TMCO1: variants seen among roughly 807,000 people sequenced by gnomAD.
TMCO1 encodes calcium load-activated calcium channel.
A neutral mutation model predicts 29.3 loss-of-function variants in TMCO1; 29 were observed. The observed-to-expected ratio is 0.99, with a 90% CI of 0.74 to 1.35. TMCO1 has a LOEUF of 1.35. Ranked by LOEUF, TMCO1 falls within the 40% of genes most tolerant of loss-of-function variation. TMCO1 has a pLI of 0.00. For missense variants in TMCO1, 173 were observed against 225.5 expected (o/e 0.77, Z 1.49); for synonymous variants, 80 against 77.1 (o/e 1.04, Z -0.20).
chr1:165,744,646 C>T (rs981809146), intron 5 of TMCO1, among the ~76,000 whole-genome samples: 9 of 151,824 alleles, frequency 5.9e-5, no homozygotes, highest in African/African-American at 1.7e-4. Context: ...CAAAATTAGC[C>T]GGGCATGGTG....
chr1:165,733,218 T>C lies in TMCO1; in HGVS notation c.469-5097A>G, dbSNP rs185798349. On this transcript the variant is annotated intron_variant, in intron 6 of 6. Coordinates refer to ENST00000367881, the MANE Select transcript of TMCO1 (RefSeq NM_019026.6). ...GGCACTTTTGTATATATTATCTCAT[T>C]ACATCTTTCAACAATCTCATCCATT... Among the ~76,000 whole-genome samples, 280 of 152,358 alleles carry C rather than the reference T, an allele frequency of 1.8e-3. 1 individual carries two copies. Among genetic ancestry groups the C allele is most frequent in the African/African-American group, 5.2e-3 (217 of 41,580 alleles).
Position 165,728,048 on chromosome 1 carries a change from G to T in TMCO1, c.542C>A (p.Pro181Gln). 6.2e-7 allele frequency: 1 copy of T among 1,608,562 alleles called. No homozygotes were observed. Among genetic ancestry groups the T allele is most frequent in the East Asian group, 2.2e-5 (1 of 44,496 alleles). The change falls in exon 7 of 7, where the codon CCA becomes CAA. Residue 181 changes from proline (P) to glutamine (Q), a missense_variant. Physicochemically the swap from Pro to Gln is moderately conservative, Grantham distance 76 (BLOSUM62 -1). Transcript: ENST00000367881. ...TCAAGAGAACTTCCCAGAAGGAGGTGGTGGGCCAAGAAATCCACCTGCCTG... is the reference window on the plus strand; with the variant it reads ...TCAAGAGAACTTCCCAGAAGGAGGTTGTGGGCCAAGAAATCCACCTGCCTG... ...TKQAGGFLGP[P>Q]PPSGKFS
rs61800455 is a variant in TMCO1 at position 165,759,239 on chromosome 1, T to C, written c.208+286A>G. Among the ~76,000 whole-genome samples the C allele has an allele frequency of 7.3e-3, 1,105 of 152,294 alleles. 8 individuals are homozygous for C. The highest frequency in any genetic ancestry group is 0.012 in the Non-Finnish European group (833 of 68,012). On this transcript the variant is annotated intron_variant, in intron 3 of 6. Coordinates refer to ENST00000367881, the MANE Select transcript of TMCO1 (RefSeq NM_019026.6). ...TCAGATATAAAAAACAACATGCTTT[T>C]ACAAACTATGCCAAAAACCCTCAGC... is the stretch of plus-strand genomic sequence containing the variant.
At chr1:165,752,251 C>CTTTTTTT (rs1558038157) in intron 4 of TMCO1, 82 bp from the exon 5 acceptor site, 3 of 608,126 alleles carry the variant, frequency 4.9e-6, no homozygotes, top group African/African-American at 1.9e-5. Flanking sequence ...GGTTTCATGT[C>CTTTTTTT]ATTTTTTTTT....
chr1:165,724,415 T>C (rs1650767437), downstream of TMCO1: 2 of 453,974 alleles, frequency 4.4e-6, no homozygotes, highest in African/African-American at 4.0e-5. Flanking sequence ...AGAAAAACTC[T>C]ACAAGGTAAA....
At chr1:165,735,511 AT>A (rs34062484) in intron 6 of TMCO1, among the ~76,000 whole-genome samples, 87,454 of 110,282 alleles carry the variant, frequency 0.79, 33,746 homozygotes, top group East Asian at 0.94. Flanking sequence ...TCTCTGCTTA[AT>A]TTTTTTTTTT....
intron 2 of TMCO1, among the ~76,000 whole-genome samples, chr1:165,763,693 T>A (rs1488757027): frequency 6.6e-6 from 1 of 152,190 alleles, no homozygotes; most frequent in Non-Finnish European, 1.5e-5. Context: ...ATCTCCCCTC[T>A]CTGCTCACTG....
Position 165,752,116 on chromosome 1 carries a change from T to C in TMCO1, c.309A>G (p.Gly103=). The C allele has an allele frequency of 6.2e-7, 1 of 1,613,188 alleles. No individual in the cohort carries two copies. The highest frequency in any genetic ancestry group is 8.5e-7 in the Non-Finnish European group (1 of 1,179,256). Residue 103 remains glycine (G), a synonymous_variant, in exon 5 of 7, where the codon GGA becomes GGG. Coordinates refer to ENST00000367881, the MANE Select transcript of TMCO1 (RefSeq NM_019026.6). ...AGGACACTCACATGGAATTGAACAT[T>C]CCCATTAGGGCAGTAAAACAAAAGC... The part of the protein sequence containing the change: ...AIGFCFTALM[G]MFNSIFDGRV...
rs552923202 is a variant in TMCO1, at chr1:165,729,244, T to C, written c.469-1123A>G. 3.3e-5 allele frequency among the ~76,000 whole-genome samples: 5 copies of C among 152,072 alleles called. No individual in the cohort carries two copies. In the South Asian group the frequency reaches 1.0e-3, roughly 32 times the overall value. Reference sequence around the variant, plus strand: ...ATCTTTTTCCATTGTTTCACCTACATCTAATGCAATTTTTTAAGAAACTCA... The same window carrying C: ...ATCTTTTTCCATTGTTTCACCTACACCTAATGCAATTTTTTAAGAAACTCA... On this transcript the variant is annotated intron_variant, in intron 6 of 6. Transcript: ENST00000367881.
At chr1:165,743,432 G>C (rs1333391463) in intron 5 of TMCO1, 121 bp from the exon 6 acceptor site, 2 of 1,008,864 alleles carry the variant, frequency 2.0e-6, no homozygotes, top group East Asian at 5.1e-5. Context: ...AAAACAAAGA[G>C]AGGGTGACAT....
chr1:165,750,721 T>C (rs1651962470), intron 5 of TMCO1, among the ~76,000 whole-genome samples: 1 of 152,126 alleles, frequency 6.6e-6, no homozygotes, highest in Non-Finnish European at 1.5e-5. Context: ...TGTATTAAAG[T>C]TTATATTCAG....
At chr1:165,736,735 CAA>C (rs1651405746) in intron 6 of TMCO1, among the ~76,000 whole-genome samples, 1 of 136,218 alleles carries the variant, frequency 7.3e-6, no homozygotes, top group Non-Finnish European at 1.6e-5. Context: ...AAAAAAAAAA[CAA>C]AAAACAAAAA....
Position 165,768,724 on chromosome 1 carries a change from G to A in TMCO1, c.28C>T (p.Leu10Phe). MSTMFADTL[L>F]IVFISVCTAL... ...GTGCACACAGAGATAAAAACGATGA[G>A]GAGAGTGTCCGCGAACATAGTGCTC... Residue 10 changes from leucine (L) to phenylalanine (F), a missense_variant, in exon 1 of 7, where the codon CTC becomes TTC. By Grantham distance (22) the Leu-to-Phe change is conservative (BLOSUM62 0). Coordinates refer to ENST00000367881, the MANE Select transcript of TMCO1 (RefSeq NM_019026.6). 1 of 1,614,142 alleles carries A rather than the reference G, an allele frequency of 6.2e-7. No individual in the cohort carries two copies. Among genetic ancestry groups the A allele is most frequent in the Non-Finnish European group, 8.5e-7 (1 of 1,180,026 alleles).
chr1:165,724,311 A>G, downstream of TMCO1: 1 of 446,574 alleles, frequency 2.2e-6, no homozygotes, highest in South Asian at 1.6e-5. Flanking sequence ...ATCACTTTTA[A>G]TATCTCATTA....
intron 2 of TMCO1, among the ~76,000 whole-genome samples, chr1:165,761,194 T>TG (rs397952303): frequency 6.6e-6 from 1 of 151,946 alleles, no homozygotes; most frequent in Non-Finnish European, 1.5e-5. Context: ...TGTGTGTGTG[T>TG]TTGTTCTGGA....
chr1:165,757,421 T>A (rs1463366361), intron 3 of TMCO1, among the ~76,000 whole-genome samples: 1 of 152,262 alleles, frequency 6.6e-6, no homozygotes, highest in Non-Finnish European at 1.5e-5. Context: ...AATGGATAGA[T>A]CATCTTTCAA....
chr1:165,754,519 T>C (rs1652118881), intron 3 of TMCO1, among the ~76,000 whole-genome samples: 2 of 152,224 alleles, frequency 1.3e-5, no homozygotes, highest in Non-Finnish European at 2.9e-5. Context: ...TGGTATTAAA[T>C]GTCTTAACTC....
chr1:165,752,977 C>T (rs1266233212), intron 4 of TMCO1, among the ~76,000 whole-genome samples: 3 of 152,048 alleles, frequency 2.0e-5, no homozygotes, highest in African/African-American at 7.2e-5. Flanking sequence ...TAAAAGAGAA[C>T]TATTGCACAG....
chr1:165,754,828 T>A (rs887839362), intron 3 of TMCO1: 17 of 153,554 alleles, frequency 1.1e-4, no homozygotes, highest in Admixed American at 7.1e-4. Flanking sequence ...ACCCTGTCTC[T>A]GCAAAAAATT....
Sources: allele counts gnomAD v4.1 joint callset (sites outside exome capture counted in the v4.1 genomes callset), GRCh38; gene constraint gnomAD v4.1.1; transcripts MANE v1.5; gene names NCBI Gene and HGNC (gene_info 2026-07-23, HGNC 2026-07-21).